STAU1: variants seen among roughly 807,000 people sequenced by gnomAD.
STAU1 encodes staufen double-stranded RNA binding protein 1, also known as double-stranded RNA-binding protein Staufen homolog 1.
A neutral mutation model predicts 62.9 loss-of-function variants in STAU1; 13 were observed. That is an observed-to-expected ratio of 0.21 (90% confidence interval 0.13 to 0.33). STAU1 has a LOEUF of 0.33. STAU1 is among the 10% of genes least tolerant of loss of function. STAU1 has a pLI of 1.00. For missense variants in STAU1, 571 were observed against 712.1 expected (o/e 0.80, Z 2.25); for synonymous variants, 269 against 265.1 (o/e 1.01, Z -0.14).
intron 6 of STAU1, among the ~76,000 whole-genome samples, chr20:49,125,471 A>C (rs1332778021): frequency 6.8e-6 from 1 of 147,542 alleles, no homozygotes; most frequent in Non-Finnish European, 1.5e-5. Flanking sequence ...CGGAGGTTGC[A>C]GTGATCCAAG....
In STAU1 at chr20:49,113,631, C is replaced by T. The variant is rs1170558319; in HGVS notation, c.*1247G>A. The T allele has an allele frequency of 1.3e-5, 2 of 152,602 alleles. No individual in the cohort carries two copies. Among genetic ancestry groups the T allele is most frequent in the Non-Finnish European group, 2.9e-5 (2 of 68,036 alleles). The allele number at this position is 152,602 out of a possible 1,614,324, so 9.5% of individuals were successfully genotyped here. A position where few individuals can be genotyped will look rare whatever the true frequency, so the allele number is the denominator to read the frequency against. On this transcript the variant is annotated 3_prime_UTR_variant, in exon 14 of 14. Transcript: ENST00000371856. ...TGGAAGCAGTACTTAACTCGCAGGG[C>T]TACCAGGCTTTCCATACGGACCACA...
chr20:49,154,177 T>C, intron 3 of STAU1, 106 bp from the exon 4 acceptor site: 1 of 1,248,136 alleles, frequency 8.0e-7, no homozygotes, highest in Non-Finnish European at 1.1e-6. Context: ...TCATGATACT[T>C]TACATAAAAG....
the STAU1 span, among the ~76,000 whole-genome samples, chr20:49,194,641 G>A: frequency 4.6e-5 from 7 of 151,906 alleles, no homozygotes; most frequent in East Asian, 1.9e-4. Flanking sequence ...GCAGTGGCAC[G>A]ATCTCAACTC....
upstream of STAU1, among the ~76,000 whole-genome samples, chr20:49,189,734 CA>C (rs1321318426): frequency 6.6e-6 from 1 of 151,860 alleles, no homozygotes; most frequent in African/African-American, 2.4e-5. Flanking sequence ...TGCAGGTGCA[CA>C]GAGCTTCTCT....
chr20:49,118,390 C>G lies in STAU1; in HGVS notation c.1132G>C (p.Gly378Arg). The G allele has an allele frequency of 6.2e-7, 1 of 1,613,534 alleles. No individual in the cohort carries two copies. Among genetic ancestry groups the G allele is most frequent in the Non-Finnish European group, 8.5e-7 (1 of 1,179,744 alleles). ...AAAAAGGTTACTTTTCTTCCATCCC[C>G]TGGTTTCTTTATGGGTGTCTTAAAA... ...SEEKTPIKKP[G>R]DGRKVTFFEP... The change falls in exon 10 of 14, where the codon GGG (glycine) becomes CGG (arginine). Residue 378 changes from glycine to arginine, a missense_variant. Around this residue, in one of 3 missense-constraint regions of STAU1, gnomAD observed 414 missense variants for 499.6 expected, o/e 0.83. Transcript: ENST00000371856.
upstream of STAU1, among the ~76,000 whole-genome samples, chr20:49,190,287 T>C (rs1189749918): frequency 2.6e-5 from 4 of 152,112 alleles, no homozygotes; most frequent in Non-Finnish European, 5.9e-5. Flanking sequence ...TTCCGCATCT[T>C]TTTTGTTTTT....
At chr20:49,175,488 GTTTT>G (rs1408141691) in intron 1 of STAU1, among the ~76,000 whole-genome samples, 2 of 151,096 alleles carry the variant, frequency 1.3e-5, no homozygotes, top group Non-Finnish European at 3.0e-5. Flanking sequence ...GTTTGTTCAG[GTTTT>G]TTTTTGAGAT....
chr20:49,120,790 T>C (rs183927860), intron 8 of STAU1, among the ~76,000 whole-genome samples: 10 of 152,252 alleles, frequency 6.6e-5, no homozygotes, highest in African/African-American at 2.2e-4. Context: ...ATTGTTTCAC[T>C]TTTTCTTTTT....
intron 6 of STAU1, among the ~76,000 whole-genome samples, chr20:49,125,646 ACCAT>A (rs930392135): frequency 2.6e-5 from 4 of 151,886 alleles, no homozygotes; most frequent in African/African-American, 9.7e-5. Flanking sequence ...GGAGATCGAG[ACCAT>A]CCTGGCTAAC....
chr20:49,153,059 G>A (rs2093283076), intron 4 of STAU1, among the ~76,000 whole-genome samples: 1 of 150,966 alleles, frequency 6.6e-6, no homozygotes. Context: ...GACTATCCTG[G>A]CTAACAAGGT....
chr20:49,161,015 T>A (rs1168972729), intron 3 of STAU1, among the ~76,000 whole-genome samples: 2 of 152,042 alleles, frequency 1.3e-5, no homozygotes, highest in Non-Finnish European at 2.9e-5. Context: ...ATACACTATT[T>A]GGAGTTTTAA....
chr20:49,198,093 A>T, the STAU1 span, among the ~76,000 whole-genome samples: 2 of 152,256 alleles, frequency 1.3e-5, no homozygotes, highest in African/African-American at 2.4e-5. Flanking sequence ...ATTTTGCCAC[A>T]GAAGTTTATA....
At chr20:49,196,122 TAAA>T in the STAU1 span, among the ~76,000 whole-genome samples, 1 of 80,492 alleles carries the variant, frequency 1.2e-5, no homozygotes. Context: ...AGACTCCATC[TAAA>T]AAAAAAAAAG....
At chr20:49,205,241 G>A in the STAU1 span, among the ~76,000 whole-genome samples, 1,733 of 152,180 alleles carry the variant, frequency 0.011, 40 homozygotes, top group African/African-American at 0.039. Flanking sequence ...GATGGAGAGC[G>A]TTTTGGTCAT....
At position 49,166,049 on chromosome 20, in the gene STAU1, A is replaced by C. The variant is rs1416042159; in HGVS notation, c.153T>G (p.Ile51Met). 1 of 1,614,210 alleles carries C rather than the reference A, an allele frequency of 6.2e-7. No individual in the cohort carries two copies. Among genetic ancestry groups the C allele is most frequent in the Admixed American group, 1.7e-5 (1 of 60,020 alleles). The change falls in exon 3 of 14, where the codon ATT (isoleucine) becomes ATG (methionine). Residue 51 changes from isoleucine (I) to methionine (M), a missense_variant. Coordinates refer to ENST00000371856, the MANE Select transcript of STAU1 (RefSeq NM_017453.4). ...ATGCAGAGGGTAAAGCAGAGTTTTG[A>C]ATGGGTCTACCTGCATTTTCAGAGG... ...SLPSENAGRPIQNSALPSASI... is the reference protein window; with the variant it reads ...SLPSENAGRPMQNSALPSASI...
At chr20:49,130,095 A>ATATC (rs1343477786) in intron 6 of STAU1, among the ~76,000 whole-genome samples, 4 of 152,036 alleles carry the variant, frequency 2.6e-5, no homozygotes, top group Admixed American at 2.6e-4. Flanking sequence ...TGGTAAATAG[A>ATATC]TACACTGTAG....
chr20:49,166,374 T>A, intron 2 of STAU1, 89 bp from the exon 3 acceptor site: 1 of 608,416 alleles, frequency 1.6e-6, no homozygotes, highest in South Asian at 2.0e-5. Flanking sequence ...TGTCACCTAC[T>A]GACTTATGAA....
chr20:49,191,978 G>A (rs1199029958), upstream of STAU1, among the ~76,000 whole-genome samples: 1 of 152,050 alleles, frequency 6.6e-6, no homozygotes, highest in Non-Finnish European at 1.5e-5. Context: ...TTGAACCTGG[G>A]AGGCAGAGGT....
At chr20:49,195,535 C>CAAAAAAAAAAAAAAAAAAAAAAA in the STAU1 span, among the ~76,000 whole-genome samples, 3 of 38,146 alleles carry the variant, frequency 7.9e-5, no homozygotes, top group Non-Finnish European at 3.9e-5. Context: ...GACTCCGTCT[C>CAAAAAAAAAAAAAAAAAAAAAAA]AAAAAAAAAA....
Sources: allele counts gnomAD v4.1 joint callset (sites outside exome capture counted in the v4.1 genomes callset), GRCh38; gene constraint gnomAD v4.1.1; regional missense constraint gnomAD v4.1.1; transcripts MANE v1.5; gene names NCBI Gene and HGNC (gene_info 2026-07-23, HGNC 2026-07-21).